OR51B5: variants seen among roughly 807,000 people sequenced by gnomAD.
The protein encoded by OR51B5 is olfactory receptor family 51 subfamily B member 5.
For missense variants in OR51B5, 456 were observed against 374.6 expected (o/e 1.22, Z -1.79); for synonymous variants, 186 against 144.8 (o/e 1.28, Z -2.04).
At chr11:5,485,086 A>T (rs989167399) in intron 1 of OR51B5, among the ~76,000 whole-genome samples, 1 of 152,204 alleles carries the variant, frequency 6.6e-6, no homozygotes, top group Non-Finnish European at 1.5e-5. Flanking sequence ...TTTCAAAAGA[A>T]TAAGTCAGAA....
At chr11:5,424,404 C>A (rs932035874) in intron 1 of OR51B5, among the ~76,000 whole-genome samples, 3 of 152,104 alleles carry the variant, frequency 2.0e-5, no homozygotes, top group Non-Finnish European at 2.9e-5. Context: ...ATGAAAGAGT[C>A]CTGCTACCAG....
intron 1 of OR51B5, among the ~76,000 whole-genome samples, chr11:5,493,891 G>A (rs966066337): frequency 2.0e-5 from 3 of 152,128 alleles, no homozygotes; most frequent in Non-Finnish European, 4.4e-5. Context: ...AGATCCCTCT[G>A]CAATTACCTT....
In OR51B5 at chr11:5,362,698, C is replaced by T. The variant is rs1303297469; in HGVS notation, n.85-15788G>A. On this transcript the variant is annotated intron_variant and non_coding_transcript_variant, in intron 1 of 4. Coordinates refer to the OR51B5 transcript ENST00000415970. ...ATCTGATTGTAGAGCTTTTGGCCATCGACATGTTCTTCACCACCTGGTTCT... is the reference window on the plus strand; with the variant it reads ...ATCTGATTGTAGAGCTTTTGGCCATTGACATGTTCTTCACCACCTGGTTCT... 6 of 221,346 alleles carry T rather than the reference C, an allele frequency of 2.7e-5. 1 individual carries two copies. The highest frequency in any genetic ancestry group is 2.7e-4 in the South Asian group (3 of 11,112). 13.7% of individuals were successfully genotyped at this position (221,346 alleles called of 1,614,324 possible).
rs1444086234 is a variant in OR51B5 at position 5,501,439 on chromosome 11, A to G, written n.84+4130T>C. ...GTAGCAAAAGTTACCTTCTTATTAT[A>G]CTCAGGATAAAATCCAAGTTCCTTG... is the stretch of plus-strand genomic sequence containing the variant. On this transcript the variant is annotated intron_variant and non_coding_transcript_variant, in intron 1 of 4. Transcript: ENST00000415970. 2.0e-5 allele frequency among the ~76,000 whole-genome samples: 3 copies of G among 147,752 alleles called. 1 individual carries two copies. Among genetic ancestry groups the G allele is most frequent in the Non-Finnish European group, 4.5e-5 (3 of 66,114 alleles).
intron 1 of OR51B5, among the ~76,000 whole-genome samples, chr11:5,388,356 C>T (rs937344688): frequency 1.3e-5 from 2 of 151,374 alleles, no homozygotes; most frequent in Non-Finnish European, 2.9e-5. Flanking sequence ...TAGTGAACTA[C>T]AGGAACACAT....
chr11:5,404,739 G>A (rs529732071), intron 1 of OR51B5, among the ~76,000 whole-genome samples: 32 of 152,280 alleles, frequency 2.1e-4, no homozygotes, highest in African/African-American at 7.2e-4. Context: ...CACTCACTGC[G>A]AAGGTCTGCA....
chr11:5,418,049 T>C (rs1850268873), intron 1 of OR51B5, among the ~76,000 whole-genome samples: 1 of 149,108 alleles, frequency 6.7e-6, no homozygotes, highest in Non-Finnish European at 1.5e-5. Flanking sequence ...ATGTGGCACA[T>C]ATACACCATG....
chr11:5,454,384 T>C (rs1590004975), intron 1 of OR51B5: 1 of 1,611,318 alleles, frequency 6.2e-7, no homozygotes. Flanking sequence ...ACAAAGGAAA[T>C]CCGCCGAGCC....
At chr11:5,350,163 T>G (rs7117560) in intron 1 of OR51B5, among the ~76,000 whole-genome samples, 40,351 of 152,090 alleles carry the variant, frequency 0.27, 5,608 homozygotes, top group African/African-American at 0.31. Context: ...ACATTTCCCC[T>G]TACTTTGTGT....
intron 1 of OR51B5, among the ~76,000 whole-genome samples, chr11:5,414,668 G>T (rs1236413171): frequency 6.6e-6 from 1 of 152,068 alleles, no homozygotes; most frequent in Non-Finnish European, 1.5e-5. Context: ...AACCAACAAA[G>T]ATCAAAAGAG....
intron 1 of OR51B5, among the ~76,000 whole-genome samples, chr11:5,350,238 A>G (rs1849057824): frequency 6.6e-6 from 1 of 152,242 alleles, no homozygotes; most frequent in South Asian, 2.1e-4. Context: ...CCAAATCTCA[A>G]GATTAAATTA....
intron 1 of OR51B5, among the ~76,000 whole-genome samples, chr11:5,370,217 G>C (rs981344959): frequency 6.6e-6 from 1 of 152,182 alleles, no homozygotes; most frequent in African/African-American, 2.4e-5. Context: ...AACAGTCACA[G>C]TCTTTTATAG....
At chr11:5,373,375 T>C (rs1387118459) in intron 1 of OR51B5, among the ~76,000 whole-genome samples, 2 of 152,166 alleles carry the variant, frequency 1.3e-5, no homozygotes, top group African/African-American at 4.8e-5. Context: ...GGAACAGCTC[T>C]GGTCTACAGC....
At chr11:5,406,105 T>C (rs1181801796) in intron 1 of OR51B5, among the ~76,000 whole-genome samples, 1 of 152,210 alleles carries the variant, frequency 6.6e-6, no homozygotes, top group African/African-American at 2.4e-5. Context: ...TGGCTTAACA[T>C]AAAATGAGAA....
At chr11:5,353,497 G>A (rs1337472010) in intron 1 of OR51B5, among the ~76,000 whole-genome samples, 1 of 152,120 alleles carries the variant, frequency 6.6e-6, no homozygotes, top group African/African-American at 2.4e-5. Flanking sequence ...GAAGGGAGAG[G>A]ATGGAGGCAA....
At chr11:5,434,016 AATTT>A (rs1850563929) in intron 1 of OR51B5, among the ~76,000 whole-genome samples, 2 of 152,106 alleles carry the variant, frequency 1.3e-5, no homozygotes, top group African/African-American at 2.4e-5. Context: ...GCCTCTTACC[AATTT>A]ATTTATCTTG....
chr11:5,395,075 G>C (rs1405015819), intron 1 of OR51B5, among the ~76,000 whole-genome samples: 2 of 152,172 alleles, frequency 1.3e-5, no homozygotes, highest in African/African-American at 4.8e-5. Flanking sequence ...ACCTCCTAGA[G>C]GTACTCATGG....
chr11:5,438,469 C>T (rs541451641), intron 1 of OR51B5, among the ~76,000 whole-genome samples: 6 of 152,024 alleles, frequency 3.9e-5, no homozygotes, highest in Non-Finnish European at 8.8e-5. Flanking sequence ...CAGACTGGAT[C>T]CAGTTTTTTC....
At position 5,379,335 on chromosome 11, in the gene OR51B5, G is replaced by T. The variant is rs182906446; in HGVS notation, n.85-32425C>A. On this transcript the variant is annotated intron_variant and non_coding_transcript_variant, in intron 1 of 4. Transcript: ENST00000415970. ...GTGGGGTGGGGGTGCAGGGAGGGAT[G>T]GCATTAGGAGATATACCTAATGCTA... Among the ~76,000 whole-genome samples, 442 of 152,004 alleles carry T rather than the reference G, an allele frequency of 2.9e-3. 1 individual carries two copies. The highest frequency in any genetic ancestry group is 0.01 in the African/African-American group (418 of 41,486).
Sources: gnomAD v4.1 joint callset for allele counts (sites outside exome capture counted in the v4.1 genomes callset) on GRCh38, gnomAD v4.1.1 for gene constraint, MANE v1.5 for transcripts, NCBI Gene and HGNC (gene_info 2026-07-23, HGNC 2026-07-21) for gene names.